Variants in VPS50 observed in about 807,000 individuals in gnomAD.
VPS50 encodes the protein syndetin.
VPS50 carries 70 observed loss-of-function variants against 139.7 expected under a neutral mutation model. That is an observed-to-expected ratio of 0.50 (90% CI 0.41 to 0.61). The LOEUF (loss-of-function observed/expected upper bound fraction) is 0.61, where lower values mean the gene tolerates loss of function less well. Among genes scored for constraint, VPS50 ranks in the 20% least tolerant of loss-of-function variants. The pLI, the probability that VPS50 is intolerant of heterozygous loss-of-function variation, is 0.00. For synonymous variants in VPS50, 365 were observed against 376.7 expected (o/e 0.97, Z 0.36); for missense variants, 921 against 1,133.7 (o/e 0.81, Z 2.69).
At chr7:93,289,619 A>G (rs947249212) in intron 12 of VPS50, among the ~76,000 whole-genome samples, 8 of 152,146 alleles carry the variant, frequency 5.3e-5, no homozygotes, top group African/African-American at 1.7e-4. Context: ...AAATTGATTC[A>G]TGTTTTCTTC....
At chr7:93,347,148 A>T (rs946060344) in intron 23 of VPS50, among the ~76,000 whole-genome samples, 5 of 148,902 alleles carry the variant, frequency 3.4e-5, no homozygotes, top group African/African-American at 9.7e-5. Flanking sequence ...AAACAACCCC[A>T]TCAAAAAGTG....
chr7:93,296,591 G>A (rs1173322688), intron 14 of VPS50, 151 bp from the exon 15 acceptor site: 7 of 1,377,040 alleles, frequency 5.1e-6, no homozygotes, highest in Admixed American at 3.2e-5. Flanking sequence ...CATCCCTTAA[G>A]GATGTTGGCT....
chr7:93,263,999 G>T (rs1290402608), intron 9 of VPS50, among the ~76,000 whole-genome samples: 2 of 152,182 alleles, frequency 1.3e-5, no homozygotes, highest in African/African-American at 4.8e-5. Context: ...GTATAAGGAG[G>T]ATGCGGATAG....
At chr7:93,335,547 G>C (rs186337002) in intron 22 of VPS50, among the ~76,000 whole-genome samples, 9 of 152,016 alleles carry the variant, frequency 5.9e-5, no homozygotes, top group Non-Finnish European at 8.8e-5. Context: ...CAGAGTCAAG[G>C]CTCCTTATTT....
intron 18 of VPS50, 62 bp from the exon 19 acceptor site, chr7:93,308,762 T>G: frequency 2.5e-6 from 2 of 808,228 alleles, no homozygotes; most frequent in Non-Finnish European, 4.2e-6. Flanking sequence ...TTCACTGTGT[T>G]GAGACACCCC....
chr7:93,345,736 A>C (rs1235840868), intron 23 of VPS50, among the ~76,000 whole-genome samples: 1 of 152,250 alleles, frequency 6.6e-6, no homozygotes, highest in Non-Finnish European at 1.5e-5. Context: ...CCACATGATT[A>C]TCTCAATAGA....
At chr7:93,306,026 T>C in intron 18 of VPS50, 22 bp downstream of exon 18, 2 of 1,578,530 alleles carry the variant, frequency 1.3e-6, no homozygotes, top group Non-Finnish European at 1.7e-6. Flanking sequence ...ATGTGAAACA[T>C]AAGTGAGTTT....
intron 19 of VPS50, among the ~76,000 whole-genome samples, chr7:93,310,131 A>G (rs1431935238): frequency 6.6e-6 from 1 of 152,046 alleles, no homozygotes; most frequent in Non-Finnish European, 1.5e-5. Context: ...CCAAAAGGAA[A>G]GGTCTATTTG....
At chr7:93,273,108 C>T (rs2116886132) in intron 11 of VPS50, 1 of 153,744 alleles carries the variant, frequency 6.5e-6, no homozygotes, top group East Asian at 1.9e-4. Context: ...TGTTAGATAG[C>T]CAGCATGACT....
intron 11 of VPS50, among the ~76,000 whole-genome samples, chr7:93,274,165 T>C (rs923764164): frequency 6.6e-6 from 1 of 152,102 alleles, no homozygotes; most frequent in Non-Finnish European, 1.5e-5. Context: ...GTCTCTCACT[T>C]TAAATCAAAA....
intron 22 of VPS50, among the ~76,000 whole-genome samples, chr7:93,339,207 TG>T (rs760168167): frequency 6.6e-6 from 1 of 152,136 alleles, no homozygotes; most frequent in East Asian, 1.9e-4. Context: ...TTAATTAACT[TG>T]CATGGATCCA....
chr7:93,345,211 A>C (rs1798354820), intron 23 of VPS50, among the ~76,000 whole-genome samples: 1 of 152,270 alleles, frequency 6.6e-6, no homozygotes, highest in African/African-American at 2.4e-5. Flanking sequence ...CTCTACGCAA[A>C]TAAACTAGAA....
Position 93,258,277 on chromosome 7 carries a change from G to GTA in VPS50, c.540+7_540+8dup. 1 of 1,547,632 alleles carries GTA rather than the reference G, an allele frequency of 6.5e-7. No homozygotes were observed. Among genetic ancestry groups the GTA allele is most frequent in the Non-Finnish European group, 8.9e-7 (1 of 1,120,118 alleles). On this transcript the variant is annotated splice_donor_variant, in intron 7 of 27. Coordinates refer to ENST00000305866, the MANE Select transcript of VPS50 (RefSeq NM_017667.4). LOFTEE classifies it high-confidence loss of function. ...ATCTCTGAGAACTATAAAAACATTG[G>GTA]TATATATGGGTCATTTAAAAAAATT...
intron 27 of VPS50, among the ~76,000 whole-genome samples, chr7:93,357,238 G>A (rs1196475863): frequency 6.6e-6 from 1 of 152,186 alleles, no homozygotes; most frequent in African/African-American, 2.4e-5. Flanking sequence ...GAAAGGCACA[G>A]CTCTATTCGA....
chr7:93,286,993 GTTTTT>G lies in VPS50; in HGVS notation c.943-4698_943-4694del, dbSNP rs78030975. Reference sequence around the variant, plus strand: ...TGGGCTTAAATTTGTTGAAAACGTTGTTTTTTTTTTTTTTTTAAAAAAAAAACTAC... The same window carrying G: ...TGGGCTTAAATTTGTTGAAAACGTTGTTTTTTTTTTTAAAAAAAAAACTAC... On this transcript the variant is annotated intron_variant, in intron 12 of 27. Coordinates refer to ENST00000305866, the MANE Select transcript of VPS50 (RefSeq NM_017667.4). 2.4e-3 allele frequency among the ~76,000 whole-genome samples: 297 copies of G among 123,778 alleles called. 2 individuals are homozygous for G. The highest frequency in any genetic ancestry group is 7.7e-3 in the African/African-American group (278 of 36,224). 81.2% of individuals were successfully genotyped at this position (123,778 alleles called of 152,430 possible).
chr7:93,336,245 A>G (rs937545303), intron 22 of VPS50, among the ~76,000 whole-genome samples: 1 of 152,202 alleles, frequency 6.6e-6, no homozygotes, highest in Admixed American at 6.5e-5. Flanking sequence ...CCATATAGAT[A>G]TTCTAAGTTT....
chr7:93,274,977 A>T (rs1051153152), intron 11 of VPS50, among the ~76,000 whole-genome samples: 11 of 152,188 alleles, frequency 7.2e-5, no homozygotes, highest in Admixed American at 3.9e-4. Context: ...AACCTTCATG[A>T]TGACTTTGAG....
chr7:93,323,023 G>C (rs1257933046), intron 20 of VPS50, among the ~76,000 whole-genome samples: 1 of 152,302 alleles, frequency 6.6e-6, no homozygotes, highest in Non-Finnish European at 1.5e-5. Flanking sequence ...TTGAGCTCTT[G>C]AATGATACAG....
intron 22 of VPS50, among the ~76,000 whole-genome samples, chr7:93,334,744 A>G (rs1798027467): frequency 6.6e-6 from 1 of 152,248 alleles, no homozygotes; most frequent in South Asian, 2.1e-4. Flanking sequence ...CTGTTGTCAC[A>G]GGATGAAATA....
Sources: allele counts gnomAD v4.1 joint callset (sites outside exome capture counted in the v4.1 genomes callset), GRCh38; gene constraint gnomAD v4.1.1; transcripts MANE v1.5; gene names NCBI Gene and HGNC (gene_info 2026-07-23, HGNC 2026-07-21).